Variants in RAD51B observed in about 807,000 individuals in gnomAD.
RAD51B encodes RAD51 paralog B.
RAD51B carries 38 observed loss-of-function variants against 42.2 expected under a neutral mutation model. The observed-to-expected ratio is 0.90, with a 90% CI of 0.70 to 1.18. The LOEUF is 1.18. RAD51B is among the 50% of genes most tolerant of loss of function. RAD51B has a pLI of 0.00. For missense variants in RAD51B, 373 were observed against 400.7 expected (o/e 0.93, Z 0.59); for synonymous variants, 154 against 145.2 (o/e 1.06, Z -0.43).
intron 4 of RAD51B, among the ~76,000 whole-genome samples, chr14:67,848,295 G>A (rs2139934390): frequency 6.6e-6 from 1 of 152,310 alleles, no homozygotes; most frequent in South Asian, 2.1e-4. Flanking sequence ...GGGATTACAG[G>A]CGTGAGCCAC....
chr14:67,848,315 C>T (rs1298698545), intron 4 of RAD51B, among the ~76,000 whole-genome samples: 1 of 152,214 alleles, frequency 6.6e-6, no homozygotes, highest in Non-Finnish European at 1.5e-5. Context: ...CCACGCCTGG[C>T]TGGATTGTAC....
chr14:67,896,716 C>G (rs1308127138), intron 7 of RAD51B, among the ~76,000 whole-genome samples: 1 of 152,064 alleles, frequency 6.6e-6, no homozygotes, highest in South Asian at 2.1e-4. Context: ...TTTTCAAAGA[C>G]AAAATTTGTT....
chr14:67,961,941 T>C (rs1040802722), intron 7 of RAD51B, among the ~76,000 whole-genome samples: 8 of 152,218 alleles, frequency 5.3e-5, no homozygotes, highest in Middle Eastern at 3.2e-3. Flanking sequence ...ATAGTACATG[T>C]ATATGCACAC....
chr14:68,171,855 C>T (rs1232637862), intron 7 of RAD51B, among the ~76,000 whole-genome samples: 6 of 151,900 alleles, frequency 3.9e-5, no homozygotes, highest in African/African-American at 1.4e-4. Flanking sequence ...TGCAGATGCC[C>T]ACCACCAAGC....
At chr14:67,935,509 C>A (rs2044907327) in intron 7 of RAD51B, among the ~76,000 whole-genome samples, 1 of 152,122 alleles carries the variant, frequency 6.6e-6, no homozygotes, top group African/African-American at 2.4e-5. Context: ...GGACTACAGG[C>A]ACATACCATC....
At chr14:68,528,200 C>A (rs1220780883) in intron 10 of RAD51B, among the ~76,000 whole-genome samples, 1 of 152,166 alleles carries the variant, frequency 6.6e-6, no homozygotes, top group East Asian at 1.9e-4. Context: ...CCCATCATAA[C>A]CTTGCTACAC....
chr14:68,360,663 A>G (rs2083006318), intron 8 of RAD51B, among the ~76,000 whole-genome samples: 1 of 152,186 alleles, frequency 6.6e-6, no homozygotes, highest in African/African-American at 2.4e-5. Flanking sequence ...ACCTTTCCTC[A>G]CTCATCATGA....
At chr14:68,102,047 A>G (rs1439757057) in intron 7 of RAD51B, among the ~76,000 whole-genome samples, 1 of 152,222 alleles carries the variant, frequency 6.6e-6, no homozygotes, top group Non-Finnish European at 1.5e-5. Context: ...CACTCTCTGA[A>G]GCAATGGCCT....
At chr14:67,929,313 T>TA (rs954851949) in intron 7 of RAD51B, among the ~76,000 whole-genome samples, 1 of 152,122 alleles carries the variant, frequency 6.6e-6, no homozygotes, top group African/African-American at 2.4e-5. Flanking sequence ...TTCAAGAAAT[T>TA]AAAAAAATTT....
At chr14:68,616,233 T>G (rs1271527196), downstream of RAD51B, among the ~76,000 whole-genome samples, 3 of 152,208 alleles carry the variant, frequency 2.0e-5, no homozygotes, top group Non-Finnish European at 4.4e-5. Context: ...TTCATTCTTT[T>G]GTGTAGATCC....
At chr14:68,002,518 G>A (rs988260240) in intron 7 of RAD51B, among the ~76,000 whole-genome samples, 1 of 152,074 alleles carries the variant, frequency 6.6e-6, no homozygotes, top group African/African-American at 2.4e-5. Flanking sequence ...CTTTTGCTGT[G>A]CAGAAGCTCT....
intron 7 of RAD51B, among the ~76,000 whole-genome samples, chr14:68,026,918 A>G (rs1271237275): frequency 3.3e-5 from 5 of 151,998 alleles, no homozygotes; most frequent in Admixed American, 6.6e-5. Context: ...ACTTCATTGT[A>G]TAGTTGCTTT....
chr14:68,651,826 C>T (rs10483816), intron 11 of RAD51B, among the ~76,000 whole-genome samples: 5,746 of 152,256 alleles, frequency 0.038, 368 homozygotes, highest in African/African-American at 0.13. Flanking sequence ...GTGCTGCTCA[C>T]GTAAGCCCTG....
At chr14:68,300,733 C>G in intron 8 of RAD51B, among the ~76,000 whole-genome samples, 1 of 152,172 alleles carries the variant, frequency 6.6e-6, no homozygotes, top group Non-Finnish European at 1.5e-5. Flanking sequence ...ACTCGCTACT[C>G]TAAACTATTA....
At chr14:67,957,853 TAC>T (rs1043974166) in intron 7 of RAD51B, among the ~76,000 whole-genome samples, 2 of 152,252 alleles carry the variant, frequency 1.3e-5, no homozygotes, top group Non-Finnish European at 2.9e-5. Context: ...GGAAGAAATT[TAC>T]ATTCTATTAT....
At chr14:68,226,908 A>G (rs1208120541) in intron 7 of RAD51B, among the ~76,000 whole-genome samples, 1 of 152,134 alleles carries the variant, frequency 6.6e-6, no homozygotes, top group Non-Finnish European at 1.5e-5. Context: ...AATCCATTCT[A>G]GTTTTTCTTT....
chr14:68,034,264 C>CTTT (rs548523242), intron 7 of RAD51B, among the ~76,000 whole-genome samples: 12 of 143,976 alleles, frequency 8.3e-5, no homozygotes, highest in African/African-American at 2.3e-4. Flanking sequence ...GAATCATCTG[C>CTTT]TTTTTTTTTT....
intron 10 of RAD51B, among the ~76,000 whole-genome samples, chr14:68,609,121 C>G (rs1891570786): frequency 6.6e-6 from 1 of 152,204 alleles, no homozygotes; most frequent in African/African-American, 2.4e-5. Flanking sequence ...TAGAAGCTTC[C>G]CTGGGCTCCC....
intron 11 of RAD51B, among the ~76,000 whole-genome samples, chr14:68,651,216 T>G (rs973607791): frequency 6.6e-6 from 1 of 152,178 alleles, no homozygotes; most frequent in Non-Finnish European, 1.5e-5. Context: ...CTGTCACCCA[T>G]GCTGGAGTGC....
Sources: allele counts gnomAD v4.1 joint callset (sites outside exome capture counted in the v4.1 genomes callset), GRCh38; gene constraint gnomAD v4.1.1; transcripts MANE v1.5; gene names NCBI Gene and HGNC (gene_info 2026-07-23, HGNC 2026-07-21).